The following INPP4B variants were observed in gnomAD, a reference collection of about 807,000 sequenced individuals.
INPP4B encodes the protein inositol polyphosphate-4-phosphatase type II B, also known as inositol polyphosphate 4-phosphatase type II.
INPP4B carries 55 observed loss-of-function variants against 122.5 expected under a neutral mutation model. The observed-to-expected ratio is 0.45, with a 90% CI of 0.36 to 0.56. The LOEUF (loss-of-function observed/expected upper bound fraction) is 0.56. INPP4B is among the 20% of genes least tolerant of loss of function. INPP4B has a pLI of 0.00. For synonymous variants in INPP4B, 403 were observed against 388.7 expected (o/e 1.04, Z -0.43); for missense variants, 1,000 against 1,097.7 (o/e 0.91, Z 1.26).
chr4:142,375,891 G>T (rs1041971123), intron 7 of INPP4B, among the ~76,000 whole-genome samples: 1 of 151,662 alleles, frequency 6.6e-6, no homozygotes, highest in Non-Finnish European at 1.5e-5. Context: ...GCTGCGTGAG[G>T]GAAAAAATAA....
At chr4:142,245,782 ATGTGTG>A (rs1365256116) in intron 11 of INPP4B, among the ~76,000 whole-genome samples, 1 of 140,042 alleles carries the variant, frequency 7.1e-6, no homozygotes, top group South Asian at 2.2e-4. Context: ...GTATATATAT[ATGTGTG>A]TATGTATACA....
At chr4:142,628,963 C>A (rs1049634771) in intron 2 of INPP4B, among the ~76,000 whole-genome samples, 4 of 152,076 alleles carry the variant, frequency 2.6e-5, no homozygotes, top group Admixed American at 6.6e-5. Context: ...ACAAAATCCA[C>A]CTCTCTCACA....
chr4:142,047,641 C>CAG (rs1038132452), intron 25 of INPP4B, among the ~76,000 whole-genome samples: 2 of 151,968 alleles, frequency 1.3e-5, no homozygotes, highest in Non-Finnish European at 2.9e-5. Context: ...CAAAATAAAG[C>CAG]AGAATCTCTC....
chr4:142,822,623 C>T (rs1472975975), intron 1 of INPP4B, among the ~76,000 whole-genome samples: 1 of 152,138 alleles, frequency 6.6e-6, no homozygotes, highest in Non-Finnish European at 1.5e-5. Context: ...CTACACCACC[C>T]CGACTCCATC....
At chr4:142,251,986 G>C (rs1453865904) in intron 11 of INPP4B, among the ~76,000 whole-genome samples, 1 of 152,154 alleles carries the variant, frequency 6.6e-6, no homozygotes, top group Non-Finnish European at 1.5e-5. Flanking sequence ...TAAAACCACA[G>C]CCTATCGCTT....
chr4:142,491,189 C>T (rs946022745), intron 2 of INPP4B, among the ~76,000 whole-genome samples: 3 of 152,086 alleles, frequency 2.0e-5, no homozygotes, highest in African/African-American at 7.2e-5. Context: ...GCCATCAACA[C>T]TGTACAAGGC....
chr4:142,247,279 G>A (rs2636680), intron 11 of INPP4B, among the ~76,000 whole-genome samples: 117,043 of 152,000 alleles, frequency 0.77, 46,084 homozygotes, highest in East Asian at 0.93. Flanking sequence ...TCTCTGCCAG[G>A]TTTTTGTATC....
At chr4:142,247,402 G>A (rs773151785) in intron 11 of INPP4B, among the ~76,000 whole-genome samples, 1 of 152,110 alleles carries the variant, frequency 6.6e-6, no homozygotes, top group South Asian at 2.1e-4. Context: ...GGTAGAATTT[G>A]GCTATGAATC....
At chr4:142,405,088 G>C in intron 6 of INPP4B, 118 bp downstream of exon 6, 1 of 626,570 alleles carries the variant, frequency 1.6e-6, no homozygotes, top group Non-Finnish European at 2.8e-6. Context: ...TATTTCAGCT[G>C]TTCATTCAAA....
intron 18 of INPP4B, among the ~76,000 whole-genome samples, chr4:142,125,973 T>C (rs1370747301): frequency 6.6e-6 from 1 of 152,162 alleles, no homozygotes; most frequent in Non-Finnish European, 1.5e-5. Flanking sequence ...GGGATTCAAA[T>C]AGCTGTTCTT....
intron 25 of INPP4B, among the ~76,000 whole-genome samples, chr4:142,074,235 A>G (rs1769220278): frequency 6.6e-6 from 1 of 152,286 alleles, no homozygotes; most frequent in East Asian, 1.9e-4. Flanking sequence ...ATAATTTGCA[A>G]TTATGTGCAA....
chr4:142,581,082 A>AGT (rs1279341405), intron 2 of INPP4B, among the ~76,000 whole-genome samples: 1 of 152,066 alleles, frequency 6.6e-6, no homozygotes, highest in Non-Finnish European at 1.5e-5. Flanking sequence ...GGGGCAAAAG[A>AGT]GTGCCATCTT....
chr4:142,194,830 A>C (rs1255263469), intron 14 of INPP4B, among the ~76,000 whole-genome samples: 3 of 152,180 alleles, frequency 2.0e-5, no homozygotes, highest in Non-Finnish European at 4.4e-5. Context: ...AAGTAGCTAA[A>C]AGTGGTAAGC....
At chr4:142,744,432 T>C (rs1049668144) in intron 1 of INPP4B, among the ~76,000 whole-genome samples, 57 of 151,840 alleles carry the variant, frequency 3.8e-4, no homozygotes, top group Non-Finnish European at 2.9e-5. Context: ...AAAAATCAAC[T>C]TATAGGATCC....
intron 7 of INPP4B, among the ~76,000 whole-genome samples, chr4:142,401,901 G>A (rs1390744781): frequency 2.0e-5 from 3 of 152,118 alleles, no homozygotes; most frequent in Non-Finnish European, 2.9e-5. Flanking sequence ...AACTTTTCTG[G>A]GGCTAAGATG....
intron 1 of INPP4B, among the ~76,000 whole-genome samples, chr4:142,744,455 A>C (rs1414112715): frequency 6.6e-6 from 1 of 151,900 alleles, no homozygotes; most frequent in African/African-American, 2.4e-5. Context: ...AATTTGAAAA[A>C]ATCCTAAAAA....
Position 142,541,130 on chromosome 4 carries a change from G to T in INPP4B, c.-190-78404C>A, listed in dbSNP as rs536089496. ...AACAAGTATCAATAACTAATATTGA[G>T]ATTATCTTAAACAGATGATATTTAA... On this transcript the variant is annotated intron_variant, in intron 2 of 25. Coordinates refer to ENST00000262992, the MANE Select transcript of INPP4B (RefSeq NM_001101669.3). Among the ~76,000 whole-genome samples the T allele has an allele frequency of 2.6e-5, 4 of 152,212 alleles. No homozygotes were observed. In the East Asian group the frequency reaches 5.8e-4, roughly 22 times the overall value.
intron 12 of INPP4B, among the ~76,000 whole-genome samples, chr4:142,230,137 C>T (rs1853532833): frequency 6.6e-6 from 1 of 152,288 alleles, no homozygotes; most frequent in Non-Finnish European, 1.5e-5. Context: ...TGTTAGTATA[C>T]TTCCTTCTAG....
chr4:142,509,670 C>T (rs752484555), intron 2 of INPP4B, among the ~76,000 whole-genome samples: 4 of 152,106 alleles, frequency 2.6e-5, no homozygotes, highest in Non-Finnish European at 4.4e-5. Flanking sequence ...ACACCTTATA[C>T]AAAAGTTAAC....
Sources: allele counts gnomAD v4.1 joint callset (sites outside exome capture counted in the v4.1 genomes callset), GRCh38; gene constraint gnomAD v4.1.1; transcripts MANE v1.5; gene names NCBI Gene and HGNC (gene_info 2026-07-23, HGNC 2026-07-21).